The following TENM2 variants were observed in gnomAD, a reference collection of about 807,000 sequenced individuals.
The protein encoded by TENM2 is teneurin transmembrane protein 2.
Under a neutral mutation model 245.2 loss-of-function variants are expected in TENM2, and 52 were observed. That is an observed-to-expected ratio of 0.21 (90% CI 0.17 to 0.27). The LOEUF (loss-of-function observed/expected upper bound fraction) is 0.27. Ranked by LOEUF, TENM2 falls within the 10% of genes least tolerant of loss-of-function variation. TENM2 has a pLI of 1.00. For missense variants in TENM2, 3,046 were observed against 3,666.8 expected (o/e 0.83, Z 4.37); for synonymous variants, 1,363 against 1,438.9 (o/e 0.95, Z 1.19).
the TENM2 span, among the ~76,000 whole-genome samples, chr5:167,045,349 A>G: frequency 6.6e-6 from 1 of 152,162 alleles, no homozygotes; most frequent in Non-Finnish European, 1.5e-5. Context: ...ATTAAATGAG[A>G]TGGTGTCTGT....
chr5:167,445,336 T>TATATAG lies in TENM2; in HGVS notation c.502+69864_502+69865insTATAGA, dbSNP rs368881390. ...TTATATATATATATATATATATATATAGAGAGAGAGAGAGAGAGAGAGAGA... is the reference window on the plus strand; with the variant it reads ...TTATATATATATATATATATATATATATATAGAGAGAGAGAGAGAGAGAGAGAGAGA... On this transcript the variant is annotated intron_variant, in intron 2 of 28. Transcript: ENST00000518659. 3.4e-3 allele frequency among the ~76,000 whole-genome samples: 259 copies of TATATAG among 77,248 alleles called. 2 individuals carry two copies. Among genetic ancestry groups the TATATAG allele is most frequent in the Non-Finnish European group, 4.5e-3 (184 of 41,122 alleles). The allele number at this position is 77,248 out of a possible 152,430, so 50.7% of individuals were successfully genotyped here.
intron 2 of TENM2, among the ~76,000 whole-genome samples, chr5:167,544,210 G>T (rs2127609268): frequency 6.6e-6 from 1 of 152,236 alleles, no homozygotes; most frequent in East Asian, 1.9e-4. Context: ...CCTCTTGTGT[G>T]AATAGATATA....
intron 6 of TENM2, among the ~76,000 whole-genome samples, chr5:168,047,774 T>C (rs1008484305): frequency 8.5e-5 from 13 of 152,218 alleles, no homozygotes; most frequent in African/African-American, 2.9e-4. Context: ...CAGTGCCTGC[T>C]CAGAGCAATG....
chr5:167,759,941 T>C (rs1031959796), intron 2 of TENM2, among the ~76,000 whole-genome samples: 2 of 152,362 alleles, frequency 1.3e-5, no homozygotes, highest in South Asian at 4.1e-4. Context: ...AGATATTGAT[T>C]CTTTCTTTTG....
At chr5:167,959,403 G>T (rs1490079701) in intron 4 of TENM2, among the ~76,000 whole-genome samples, 2 of 152,012 alleles carry the variant, frequency 1.3e-5, no homozygotes, top group Admixed American at 6.6e-5. Context: ...CACTGTGTTA[G>T]CCAGGATGGT....
At chr5:167,548,911 T>C (rs1772748934) in intron 2 of TENM2, among the ~76,000 whole-genome samples, 1 of 152,194 alleles carries the variant, frequency 6.6e-6, no homozygotes, top group Non-Finnish European at 1.5e-5. Flanking sequence ...TTCTTTGCTA[T>C]TAAAATAAGT....
intron 1 of TENM2, among the ~76,000 whole-genome samples, chr5:167,299,519 A>T (rs987127773): frequency 1.3e-5 from 2 of 152,196 alleles, no homozygotes; most frequent in East Asian, 3.9e-4. Flanking sequence ...GAGAAGTAGT[A>T]GAACAGCAGA....
chr5:167,043,124 C>T, the TENM2 span, among the ~76,000 whole-genome samples: 3,992 of 152,254 alleles, frequency 0.026, 83 homozygotes, highest in South Asian at 0.087. Context: ...TTGAAGTTAC[C>T]TGTTCATTTG....
chr5:167,356,187 C>CAAAAAAAA (rs58804392), intron 1 of TENM2, among the ~76,000 whole-genome samples: 16 of 74,012 alleles, frequency 2.2e-4, no homozygotes, highest in South Asian at 6.1e-4. Context: ...GACTCCATCT[C>CAAAAAAAA]AAAAAAAAAA....
exon 16 of TENM2, chr5:168,198,862 G>A: frequency 6.2e-7 from 1 of 1,613,778 alleles, no homozygotes; most frequent in Non-Finnish European, 8.5e-7. Context: ...GGTTCGACCT[G>A]ATCGCAAATG....
At chr5:168,252,584 C>G (rs1231691416) in intron 27 of TENM2, among the ~76,000 whole-genome samples, 1 of 151,928 alleles carries the variant, frequency 6.6e-6, no homozygotes, top group African/African-American at 2.4e-5. Context: ...TGACTCACAC[C>G]TGTAATCCCA....
chr5:167,976,120 A>AC (rs1401507172), intron 4 of TENM2, among the ~76,000 whole-genome samples: 1 of 152,104 alleles, frequency 6.6e-6, no homozygotes, highest in Non-Finnish European at 1.5e-5. Context: ...CCATTTATAT[A>AC]CCTTCCTCTT....
At chr5:167,351,926 C>T (rs1250777768) in intron 1 of TENM2, among the ~76,000 whole-genome samples, 3 of 152,052 alleles carry the variant, frequency 2.0e-5, no homozygotes, top group African/African-American at 7.2e-5. Flanking sequence ...TCAACATTCT[C>T]TGATTTGAGG....
intron 2 of TENM2, among the ~76,000 whole-genome samples, chr5:167,694,029 T>G (rs1037210756): frequency 1.3e-5 from 2 of 152,208 alleles, no homozygotes; most frequent in African/African-American, 4.8e-5. Flanking sequence ...TCCACTTATC[T>G]AAGATTTTTA....
chr5:167,898,047 C>A (rs1775370846), intron 3 of TENM2, among the ~76,000 whole-genome samples: 1 of 152,068 alleles, frequency 6.6e-6, no homozygotes, highest in African/African-American at 2.4e-5. Context: ...TCCTGCTGAT[C>A]TGGGTTTGTC....
intron 1 of TENM2, among the ~76,000 whole-genome samples, chr5:167,344,223 A>G (rs1236491379): frequency 6.7e-6 from 1 of 149,058 alleles, no homozygotes; most frequent in Non-Finnish European, 1.5e-5. Flanking sequence ...AACTGACTGC[A>G]TAAAGCATTT....
At chr5:167,312,637 T>C (rs1184017152) in intron 1 of TENM2, among the ~76,000 whole-genome samples, 2 of 152,150 alleles carry the variant, frequency 1.3e-5, no homozygotes, top group Non-Finnish European at 2.9e-5. Context: ...ATGGGAAAAA[T>C]TGGTCTTATG....
chr5:167,022,141 T>C, the TENM2 span, among the ~76,000 whole-genome samples: 14 of 152,264 alleles, frequency 9.2e-5, no homozygotes, highest in African/African-American at 3.4e-4. Context: ...AGATCTATTA[T>C]CAAAGAAAGA....
At chr5:167,707,256 G>T (rs1398238469) in intron 2 of TENM2, among the ~76,000 whole-genome samples, 2 of 151,946 alleles carry the variant, frequency 1.3e-5, no homozygotes, top group African/African-American at 2.4e-5. Flanking sequence ...TTTAAATCAG[G>T]TTGTTATGGT....
Sources: gnomAD v4.1 joint callset for allele counts (sites outside exome capture counted in the v4.1 genomes callset) on GRCh38, gnomAD v4.1.1 for gene constraint, MANE v1.5 for transcripts, NCBI Gene and HGNC (gene_info 2026-07-23, HGNC 2026-07-21) for gene names.